The following TTC7A variants were observed in gnomAD, a reference collection of about 807,000 sequenced individuals.
TTC7A encodes the protein tetratricopeptide repeat domain 7A, also known as tetratricopeptide repeat protein 7A.
In TTC7A, 110 loss-of-function variants were observed where a neutral mutation model predicts 103.7. That is an observed-to-expected ratio of 1.06 (90% confidence interval 0.91 to 1.24). The LOEUF (loss-of-function observed/expected upper bound fraction) is 1.24. Ranked by LOEUF, TTC7A falls within the 50% of genes most tolerant of loss-of-function variation. The probability of loss-of-function intolerance (pLI) is 0.00; values close to 1 mark genes in which losing one functional copy is unlikely to be tolerated. For missense variants in TTC7A, 1,340 were observed against 1,116.3 expected (o/e 1.20, Z -2.86); for synonymous variants, 521 against 467.9 (o/e 1.11, Z -1.47).
intron 10 of TTC7A, among the ~76,000 whole-genome samples, 191 bp downstream of exon 10, chr2:47,006,915 G>A (rs1255578554): frequency 6.6e-6 from 1 of 152,200 alleles, no homozygotes; most frequent in African/African-American, 2.4e-5. Context: ...CGTGCGAGCT[G>A]TGAGTGTGCC....
intron 15 of TTC7A, among the ~76,000 whole-genome samples, chr2:47,041,689 G>C (rs533638250): frequency 9.3e-5 from 14 of 150,842 alleles, no homozygotes; most frequent in Non-Finnish European, 1.5e-4. Context: ...GGAGGCAGAG[G>C]TTGCGGTGAG....
intron 5 of TTC7A, among the ~76,000 whole-genome samples, chr2:46,992,210 T>C (rs957089435): frequency 1.3e-5 from 2 of 152,318 alleles, no homozygotes; most frequent in Admixed American, 6.5e-5. Context: ...TTCCTGAGCA[T>C]GTGCTACGTG....
At position 47,060,402 on chromosome 2, in the gene TTC7A, G is replaced by A. The variant is rs147544625; in HGVS notation, c.2153-367G>A. ...ATAAATTAATTTTTTTTAAAAAAAA[G>A]GCTGCAGTGAGCCATGGTCATACCA... On this transcript the variant is annotated intron_variant, in intron 18 of 19. Coordinates refer to ENST00000319190, the MANE Select transcript of TTC7A (RefSeq NM_020458.4). Among the ~76,000 whole-genome samples, 431 of 152,136 alleles carry A rather than the reference G, an allele frequency of 2.8e-3. 1 individual carries two copies. Among genetic ancestry groups the A allele is most frequent in the Non-Finnish European group, 5.3e-3 (360 of 67,974 alleles).
chr2:47,022,608 G>A (rs781633900), intron 12 of TTC7A, among the ~76,000 whole-genome samples: 1 of 152,026 alleles, frequency 6.6e-6, no homozygotes, highest in Non-Finnish European at 1.5e-5. Flanking sequence ...GTGACGGGCC[G>A]CCACCCAGAC....
chr2:47,056,523 A>T (rs1683332211), intron 18 of TTC7A, among the ~76,000 whole-genome samples: 1 of 152,196 alleles, frequency 6.6e-6, no homozygotes, highest in Non-Finnish European at 1.5e-5. Flanking sequence ...GGGGGTGTGG[A>T]AATAGCCCAT....
chr2:47,063,162 C>T (rs1001296400), intron 19 of TTC7A, among the ~76,000 whole-genome samples: 2 of 152,266 alleles, frequency 1.3e-5, no homozygotes, highest in Non-Finnish European at 2.9e-5. Context: ...CTAATCCTGG[C>T]TCTGGCCCTG....
chr2:46,950,666 G>A (rs1038596501), intron 2 of TTC7A, 140 bp downstream of exon 2: 1 of 819,638 alleles, frequency 1.2e-6, no homozygotes. Flanking sequence ...AGTAGCCACT[G>A]GCTGCACATG....
At chr2:46,934,553 T>A (rs1669869185) in intron 2 of TTC7A, among the ~76,000 whole-genome samples, 1 of 152,060 alleles carries the variant, frequency 6.6e-6, no homozygotes, top group Admixed American at 6.6e-5. Context: ...GCATTACAGG[T>A]GTGAGCCACC....
intron 8 of TTC7A, among the ~76,000 whole-genome samples, chr2:46,997,673 C>T (rs1480936322): frequency 6.6e-6 from 1 of 152,144 alleles, no homozygotes; most frequent in Admixed American, 6.5e-5. Flanking sequence ...ACTTCCCTTG[C>T]CCACTGCTCT....
rs1161080651 is a variant in TTC7A, at chr2:46,995,168, C to G, written c.1034C>G (p.Ala345Gly). The change falls in exon 8 of 20, where the codon GCC becomes GGC. Residue 345 changes from alanine to glycine, a missense_variant. Physicochemically the swap from Ala to Gly is moderately conservative, Grantham distance 60. Transcript: ENST00000319190. ...LYCPKDNIEE[A>G]LLLLLISESM... The stretch of plus-strand genomic sequence containing the variant: ...TGCCCCAAGGACAACATCGAGGAAG[C>G]CCTCCTGCTCCTCCTCATCAGCGAA... 4 of 1,614,052 alleles carry G rather than the reference C, an allele frequency of 2.5e-6. No individual in the cohort carries two copies. Among genetic ancestry groups the G allele is most frequent in the Non-Finnish European group, 3.4e-6 (4 of 1,180,036 alleles).
chr2:46,946,483 G>A (rs771972281), intron 1 of TTC7A, among the ~76,000 whole-genome samples: 4 of 152,130 alleles, frequency 2.6e-5, no homozygotes, highest in Non-Finnish European at 5.9e-5. Context: ...GAGTGCAGTG[G>A]CACAGTCATG....
At chr2:46,972,301 G>A (rs1673438206) in intron 3 of TTC7A, among the ~76,000 whole-genome samples, 1 of 151,622 alleles carries the variant, frequency 6.6e-6, no homozygotes, top group Non-Finnish European at 1.5e-5. Context: ...CTTACAGATT[G>A]TTTTTATTTT....
chr2:46,924,026 G>C (rs1203340721), intron 2 of TTC7A, among the ~76,000 whole-genome samples: 1 of 151,854 alleles, frequency 6.6e-6, no homozygotes, highest in Non-Finnish European at 1.5e-5. Context: ...GTGAGCCACT[G>C]TGCCCGGCCT....
At chr2:47,029,198 G>C (rs371741809) in intron 14 of TTC7A, 26 bp from the exon 15 acceptor site, 375 of 1,612,022 alleles carry the variant, frequency 2.3e-4, no homozygotes, top group Non-Finnish European at 2.9e-4. Context: ...CCTGGGGAAG[G>C]CTAACCTGGC....
intron 3 of TTC7A, among the ~76,000 whole-genome samples, chr2:46,957,840 A>G (rs534056335): frequency 3.3e-5 from 5 of 152,218 alleles, no homozygotes; most frequent in Non-Finnish European, 5.9e-5. Flanking sequence ...TGCAGCACAA[A>G]CCAACCTCCA....
chr2:46,929,274 C>T (rs1424178937), intron 2 of TTC7A, among the ~76,000 whole-genome samples: 2 of 151,696 alleles, frequency 1.3e-5, no homozygotes, highest in Non-Finnish European at 2.9e-5. Context: ...GCTTGAGGCC[C>T]ACAGTTCTGA....
intron 15 of TTC7A, among the ~76,000 whole-genome samples, chr2:47,044,013 C>T (rs1682044787): frequency 6.6e-6 from 1 of 152,174 alleles, no homozygotes; most frequent in Non-Finnish European, 1.5e-5. Flanking sequence ...GCAGGGCTGG[C>T]CTGCCCAGGG....
In TTC7A at chr2:46,941,481, G is replaced by A. The variant is rs1016880663; in HGVS notation, c.-61G>A. On this transcript the variant is annotated 5_prime_UTR_variant, in exon 1 of 20. Transcript: ENST00000319190. This position sits in a 1 kb window ranked among gnomAD's most constrained non-coding sequence, Gnocchi z 4.2. ...CCCGCGAGTGCGCCCCAGCCAGGAC[G>A]CCGCCCCCGGCCGGGTCTCCACTTC... 1.5e-5 allele frequency: 23 copies of A among 1,516,980 alleles called. No individual in the cohort carries two copies. The highest frequency in any genetic ancestry group is 1.9e-5 in the Non-Finnish European group (22 of 1,130,070). The allele number at this position is 1,516,980 out of a possible 1,614,324, so 94.0% of individuals were successfully genotyped here. A position where few individuals can be genotyped will look rare whatever the true frequency, so the allele number is the denominator to read the frequency against.
At chr2:47,072,487 G>C (rs940977494) in intron 19 of TTC7A, among the ~76,000 whole-genome samples, 1 of 152,220 alleles carries the variant, frequency 6.6e-6, no homozygotes, top group African/African-American at 2.4e-5. Context: ...ATGAAACCAG[G>C]CATGCGCATC....
Sources: allele counts gnomAD v4.1 joint callset (sites outside exome capture counted in the v4.1 genomes callset), GRCh38; gene constraint gnomAD v4.1.1; non-coding constraint Gnocchi (gnomAD v3.1); transcripts MANE v1.5; gene names NCBI Gene and HGNC (gene_info 2026-07-23, HGNC 2026-07-21).